TRMU: variants seen among roughly 807,000 people sequenced by gnomAD.
TRMU encodes the protein tRNA mitochondrial 2-thiouridylase.
TRMU carries 49 observed loss-of-function variants against 46.9 expected under a neutral mutation model. That is an observed-to-expected ratio of 1.05 (90% CI 0.83 to 1.33). TRMU has a LOEUF of 1.33. TRMU is among the 40% of genes most tolerant of loss of function. The pLI is 0.00. For missense variants in TRMU, 572 were observed against 532.4 expected (o/e 1.07, Z -0.73); for synonymous variants, 241 against 200.9 (o/e 1.20, Z -1.69).
chr22:46,356,080 G>C lies in TRMU; in HGVS notation c.1101+8G>C, dbSNP rs760477689. ...GCCCTTGCCACAGGACAGGTGCGTGGGGTGTGGGGGTGAGCCCGGGGAGGA... is the reference window on the plus strand; with the variant it reads ...GCCCTTGCCACAGGACAGGTGCGTGCGGTGTGGGGGTGAGCCCGGGGAGGA... On this transcript the variant is annotated splice_region_variant and intron_variant, in intron 10 of 10. Coordinates refer to ENST00000645190, the MANE Select transcript of TRMU (RefSeq NM_018006.5). 7 of 1,613,722 alleles carry C rather than the reference G, an allele frequency of 4.3e-6. No individual in the cohort carries two copies. In the East Asian group the frequency reaches 1.1e-4, roughly 26 times the overall value.
chr22:46,337,744 T>C (rs1569059985), intron 1 of TRMU, 35 bp from the exon 2 acceptor site: 7 of 1,613,726 alleles, frequency 4.3e-6, no homozygotes, highest in Non-Finnish European at 5.1e-6. Flanking sequence ...AAGGTTGATT[T>C]ATGTATTCTC....
In TRMU at chr22:46,352,134, G is replaced by A. The variant is rs1345113060; in HGVS notation, c.665G>A (p.Cys222Tyr). Residue 222 changes from cysteine to tyrosine, a missense_variant, in exon 6 of 11, where the codon TGT becomes TAT. Coordinates refer to ENST00000645190, the MANE Select transcript of TRMU (RefSeq NM_018006.5). ...VLQKKESMGM[C>Y]FIGKRNFEHF... Reference sequence around the variant, plus strand: ...TTCTCATTTCAGAGCATGGGCATGTGTTTCATCGGGAAGAGGAATTTTGAA... The same window carrying A: ...TTCTCATTTCAGAGCATGGGCATGTATTTCATCGGGAAGAGGAATTTTGAA... The A allele has an allele frequency of 2.5e-6, 4 of 1,613,654 alleles. No individual in the cohort carries two copies. The South Asian group carries it at 3.3e-5, about 13-fold the overall frequency.
chr22:46,345,812 G>A (rs1311704466), intron 3 of TRMU, among the ~76,000 whole-genome samples: 1 of 148,978 alleles, frequency 6.7e-6, no homozygotes, highest in Non-Finnish European at 1.5e-5. Context: ...CTGTTGCCCA[G>A]ACTAGAGTGC....
At chr22:46,337,691 G>A in intron 1 of TRMU, 88 bp from the exon 2 acceptor site, 1 of 1,540,472 alleles carries the variant, frequency 6.5e-7, no homozygotes, top group South Asian at 1.2e-5. Flanking sequence ...AGCACAGCGT[G>A]TGGGGAACTT....
Position 46,336,483 on chromosome 22 carries a change from CG to C in TRMU, c.82+640del, listed in dbSNP as rs1048660214. On this transcript the variant is annotated intron_variant, in intron 1 of 10. Transcript: ENST00000645190. The surrounding 1 kb of genome is among the most constrained non-coding windows in gnomAD (Gnocchi z 4.1). ...TTAACTTCACCTGTGTGGCTCCCCGCGGGAGGCCTCATTCACAGAGTCACGT... is the reference window on the plus strand; with the variant it reads ...TTAACTTCACCTGTGTGGCTCCCCGCGGAGGCCTCATTCACAGAGTCACGT... 1 of 152,244 alleles carries C rather than the reference CG, an allele frequency of 6.6e-6. No homozygotes were observed. Among genetic ancestry groups the C allele is most frequent in the Non-Finnish European group, 1.5e-5 (1 of 68,080 alleles). The allele number at this position is 152,244 out of a possible 1,614,324, so 9.4% of individuals were successfully genotyped here. A position where few individuals can be genotyped will look rare whatever the true frequency, so the allele number is the denominator to read the frequency against.
chr22:46,347,794 C>T lies in TRMU; in HGVS notation c.478+1250C>T, dbSNP rs1236645331. ...AGCTGGATTTCAGTGCACTTCCGCT[C>T]ACTCCCCAGCCCCTGCTGCTTCTGC... is the stretch of plus-strand genomic sequence containing the variant. On this transcript the variant is annotated intron_variant, in intron 4 of 10. Coordinates refer to ENST00000645190, the MANE Select transcript of TRMU (RefSeq NM_018006.5). This position sits in a 1 kb window ranked among gnomAD's most constrained non-coding sequence, Gnocchi z 5.0. Among the ~76,000 whole-genome samples, 1 of 152,208 alleles carries T rather than the reference C, an allele frequency of 6.6e-6. No homozygotes were observed. The highest frequency in any genetic ancestry group is 2.4e-5 in the African/African-American group (1 of 41,448).
chr22:46,347,759 C>T lies in TRMU; in HGVS notation c.478+1215C>T, dbSNP rs937866198. ...ATGAAGCCATCTGACCTGGGTCCCT[C>T]GGGTGGCAGAGCTGGATTTCAGTGC... On this transcript the variant is annotated intron_variant, in intron 4 of 10. Coordinates refer to ENST00000645190, the MANE Select transcript of TRMU (RefSeq NM_018006.5). The surrounding 1 kb of genome is among the most constrained non-coding windows in gnomAD (Gnocchi z 5.0). Among the ~76,000 whole-genome samples the T allele has an allele frequency of 3.1e-4, 47 of 152,188 alleles. No homozygotes were observed. Among genetic ancestry groups the T allele is most frequent in the Admixed American group, 2.0e-4 (3 of 15,288 alleles).
At chr22:46,343,655 C>T (rs554453588) in intron 3 of TRMU, among the ~76,000 whole-genome samples, 2 of 152,170 alleles carry the variant, frequency 1.3e-5, no homozygotes, top group Non-Finnish European at 2.9e-5. Flanking sequence ...AGATTACAAG[C>T]GTGAGCCCCT....
At chr22:46,343,452 C>T (rs968926174) in intron 3 of TRMU, 84 bp downstream of exon 3, 8 of 1,020,174 alleles carry the variant, frequency 7.8e-6, no homozygotes, top group Non-Finnish European at 1.2e-5. Flanking sequence ...GTGGTGCGAT[C>T]ATGACTCACT....
At position 46,339,704 on chromosome 22, in the gene TRMU, A is replaced by G. The variant is rs2147858516; in HGVS notation, c.248+1760A>G. ...AATAAAACGAAATTTAGAGAGATTA[A>G]GTAAATTGACTATGGTCACCTAAAT... On this transcript the variant is annotated intron_variant, in intron 2 of 10. Transcript: ENST00000645190. This position sits in a 1 kb window ranked among gnomAD's most constrained non-coding sequence, Gnocchi z 4.8. Among the ~76,000 whole-genome samples, 1 of 152,352 alleles carries G rather than the reference A, an allele frequency of 6.6e-6. No individual in the cohort carries two copies. Among genetic ancestry groups the G allele is most frequent in the Non-Finnish European group, 1.5e-5 (1 of 68,032 alleles).
Position 46,350,705 on chromosome 22 carries a change from G to A in TRMU, c.651+242G>A, listed in dbSNP as rs897479252. Among the ~76,000 whole-genome samples the A allele has an allele frequency of 6.6e-6, 1 of 152,206 alleles. No individual in the cohort carries two copies. Among genetic ancestry groups the A allele is most frequent in the Admixed American group, 6.5e-5 (1 of 15,286 alleles). ...TCCTCTCCTCTGCCCCTATGTGGTA[G>A]GCAGCTTTCCCCACAGCCTTAGCAG... On this transcript the variant is annotated intron_variant, in intron 5 of 10. Coordinates refer to ENST00000645190, the MANE Select transcript of TRMU (RefSeq NM_018006.5). This position sits in a 1 kb window ranked among gnomAD's most constrained non-coding sequence, Gnocchi z 4.6.
chr22:46,356,222 C>CAGGG, intron 10 of TRMU, 150 bp downstream of exon 10: 3 of 750,770 alleles, frequency 4.0e-6, no homozygotes, highest in Non-Finnish European at 4.4e-6. Flanking sequence ...CCAGCCCTGC[C>CAGGG]CTGGGGGCTC....
rs550501624 is a variant in TRMU at position 46,337,979 on chromosome 22, C to G, written c.248+35C>G. The G allele has an allele frequency of 5.6e-6, 9 of 1,613,616 alleles. No homozygotes were observed. In the East Asian group the frequency reaches 2.0e-4, roughly 36 times the overall value. On this transcript the variant is annotated intron_variant, in intron 2 of 10. Transcript: ENST00000645190. ...GGTCACAGCACAAAGGAAGCTTCCT[C>G]ACACTGTGGATCCTTGCAGTGGAAG...
chr22:46,352,605 C>G, intron 7 of TRMU: 1 of 546,124 alleles, frequency 1.8e-6, no homozygotes, highest in Non-Finnish European at 3.3e-6. Context: ...AGTTACGTAT[C>G]AAGTCCCTGT....
intron 1 of TRMU, among the ~76,000 whole-genome samples, chr22:46,337,455 G>A (rs1339051696): frequency 1.3e-5 from 2 of 152,142 alleles, no homozygotes; most frequent in Non-Finnish European, 2.9e-5. Flanking sequence ...TAACTGAATG[G>A]TGCTTTGAAA....
chr22:46,354,062 G>T, intron 8 of TRMU, 195 bp downstream of exon 8: 1 of 573,834 alleles, frequency 1.7e-6, no homozygotes, highest in Non-Finnish European at 3.2e-6. Flanking sequence ...TATTCATTAG[G>T]CTGAGTTGTA....
chr22:46,353,897 G>T, intron 8 of TRMU, 30 bp downstream of exon 8: 1 of 1,606,512 alleles, frequency 6.2e-7, no homozygotes, highest in Non-Finnish European at 8.5e-7. Context: ...AGACAGCACT[G>T]GGGCTGGTTC....
At position 46,357,278 on chromosome 22, in the gene TRMU, CACCGAGGGG is replaced by C. The variant is rs1287106197; in HGVS notation, c.*276_*284del. 3.6e-6 allele frequency: 2 copies of C among 562,404 alleles called. No homozygotes were observed. The highest frequency in any genetic ancestry group is 6.4e-6 in the Non-Finnish European group (2 of 314,264). 34.8% of individuals were successfully genotyped at this position (562,404 alleles called of 1,614,324 possible). A position where few individuals can be genotyped will look rare whatever the true frequency, so the allele number is the denominator to read the frequency against. ...AGGGAGGGTTTCCCACCTCAGAGTA[CACCGAGGGG>C]ACCTGCAGAGGGGGCTGTCGGGACA... On this transcript the variant is annotated 3_prime_UTR_variant, in exon 11 of 11. Transcript: ENST00000645190.
At chr22:46,353,916 C>A in intron 8 of TRMU, 49 bp downstream of exon 8, 1 of 1,572,050 alleles carries the variant, frequency 6.4e-7, no homozygotes, top group Non-Finnish European at 8.7e-7. Context: ...TCTGGCAGGG[C>A]CAGCAGTGCT....
Sources: allele counts gnomAD v4.1 joint callset (sites outside exome capture counted in the v4.1 genomes callset), GRCh38; gene constraint gnomAD v4.1.1; non-coding constraint Gnocchi (gnomAD v3.1); transcripts MANE v1.5; gene names NCBI Gene and HGNC (gene_info 2026-07-23, HGNC 2026-07-21).